NUBPL: variants seen among roughly 807,000 people sequenced by gnomAD.
NUBPL encodes the protein iron-sulfur cluster transfer protein NUBPL.
NUBPL carries 31 observed loss-of-function variants against 45.7 expected under a neutral mutation model. The ratio of observed to expected loss-of-function variants is 0.68; its 90% CI spans 0.51 to 0.92. The LOEUF (loss-of-function observed/expected upper bound fraction) is 0.92, where lower values mean the gene tolerates loss of function less well. Among genes scored for constraint, NUBPL ranks in the 40% least tolerant of loss-of-function variants. NUBPL has a pLI of 0.00. For synonymous variants in NUBPL, 144 were observed against 140.9 expected, an observed-to-expected ratio of 1.02 and a Z score of -0.15; for missense variants, 401 against 398.7, an observed-to-expected ratio of 1.01 and a Z score of -0.05.
intron 3 of NUBPL, 35 bp downstream of exon 3, chr14:31,565,083 A>T: frequency 7.8e-7 from 1 of 1,287,832 alleles, no homozygotes; most frequent in Non-Finnish European, 1.1e-6. Flanking sequence ...TAATTTATTA[A>T]AATGTTTTTA....
intron 4 of NUBPL, among the ~76,000 whole-genome samples, chr14:31,647,888 G>A (rs868722319): frequency 4.6e-5 from 7 of 152,180 alleles, no homozygotes; most frequent in Admixed American, 2.6e-4. Context: ...GCCTTACCAC[G>A]ATATCTGGTC....
rs548302340 is a variant in NUBPL, at chr14:31,797,986, A to C, written c.607+10113A>C. Among the ~76,000 whole-genome samples, 12 of 145,456 alleles carry C rather than the reference A, an allele frequency of 8.2e-5. 1 individual carries two copies. Among genetic ancestry groups the C allele is most frequent in the African/African-American group, 1.8e-4 (7 of 38,164 alleles). The stretch of plus-strand genomic sequence containing the variant: ...CTATAAAGTATTTTATTTCTCCTTC[A>C]CTTATGAAGCTTAGTTTGGCTGGAT... On this transcript the variant is annotated intron_variant, in intron 7 of 10. Coordinates refer to ENST00000281081, the MANE Select transcript of NUBPL (RefSeq NM_025152.3).
intron 6 of NUBPL, among the ~76,000 whole-genome samples, chr14:31,782,975 T>A (rs780597331): frequency 6.6e-6 from 1 of 152,240 alleles, no homozygotes; most frequent in Non-Finnish European, 1.5e-5. Flanking sequence ...GACCTAATTT[T>A]GGTCCTTTCA....
intron 6 of NUBPL, among the ~76,000 whole-genome samples, chr14:31,762,571 A>G (rs1355258782): frequency 6.6e-6 from 1 of 152,224 alleles, no homozygotes; most frequent in Non-Finnish European, 1.5e-5. Context: ...TAGATGACAT[A>G]TTAAATGATT....
intron 6 of NUBPL, among the ~76,000 whole-genome samples, chr14:31,757,850 C>T (rs1057311866): frequency 1.3e-5 from 2 of 152,046 alleles, no homozygotes; most frequent in South Asian, 2.1e-4. Flanking sequence ...CTCTACTTAC[C>T]TCATCTCTAC....
chr14:31,686,264 AG>A (rs1349663320), intron 6 of NUBPL, among the ~76,000 whole-genome samples: 1 of 152,238 alleles, frequency 6.6e-6, no homozygotes, highest in Non-Finnish European at 1.5e-5. Flanking sequence ...AAAAATATCC[AG>A]GGAATTAATG....
chr14:31,572,777 G>A lies in NUBPL; in HGVS notation c.291+7729G>A, dbSNP rs2033622413. On this transcript the variant is annotated intron_variant, in intron 3 of 10. Coordinates refer to ENST00000281081, the MANE Select transcript of NUBPL (RefSeq NM_025152.3). ...TTCATTTTTGTATGAACTGCGTAGA[G>A]TGTACTTAAACAAAGCTAGATAGTA... Among the ~76,000 whole-genome samples, 3 of 152,086 alleles carry A rather than the reference G, an allele frequency of 2.0e-5. No individual in the cohort carries two copies. In the South Asian group the frequency reaches 6.2e-4, roughly 32 times the overall value.
intron 6 of NUBPL, among the ~76,000 whole-genome samples, chr14:31,758,143 G>A (rs760286070): frequency 3.9e-5 from 6 of 152,020 alleles, no homozygotes; most frequent in Non-Finnish European, 7.4e-5. Context: ...CCATCCATTA[G>A]AGTGTAAGTT....
At chr14:31,857,434 T>C (rs2040642282) in intron 10 of NUBPL, among the ~76,000 whole-genome samples, 1 of 152,192 alleles carries the variant, frequency 6.6e-6, no homozygotes, top group Admixed American at 6.5e-5. Flanking sequence ...GGATTAACAT[T>C]CGGCTCCTAG....
chr14:31,781,223 C>T (rs1482818695), intron 6 of NUBPL, among the ~76,000 whole-genome samples: 1 of 152,204 alleles, frequency 6.6e-6, no homozygotes, highest in Non-Finnish European at 1.5e-5. Flanking sequence ...AAAAGCAATA[C>T]AGAAAGTTAC....
intron 4 of NUBPL, among the ~76,000 whole-genome samples, chr14:31,604,346 G>C (rs1333923929): frequency 6.6e-6 from 1 of 151,992 alleles, no homozygotes; most frequent in Admixed American, 6.5e-5. Context: ...CTACTAATTG[G>C]TATCATTCTG....
intron 6 of NUBPL, among the ~76,000 whole-genome samples, chr14:31,767,179 C>T (rs2038929273): frequency 6.6e-6 from 1 of 152,060 alleles, no homozygotes; most frequent in Admixed American, 6.6e-5. Flanking sequence ...GGACAAACAG[C>T]TGCTATTTCT....
At chr14:31,658,128 A>G (rs981188111) in intron 4 of NUBPL, among the ~76,000 whole-genome samples, 3 of 152,234 alleles carry the variant, frequency 2.0e-5, no homozygotes, top group Non-Finnish European at 4.4e-5. Context: ...TTGTCTGGGC[A>G]TCTTCAAGCA....
chr14:31,835,795 T>C (rs540021990), intron 8 of NUBPL, among the ~76,000 whole-genome samples: 1 of 152,272 alleles, frequency 6.6e-6, no homozygotes, highest in South Asian at 2.1e-4. Context: ...ATGCACATGC[T>C]TCAAGGAGTA....
chr14:31,659,062 C>T (rs2036208559), intron 4 of NUBPL, among the ~76,000 whole-genome samples: 1 of 152,162 alleles, frequency 6.6e-6, no homozygotes, highest in Admixed American at 6.5e-5. Context: ...AAAGGGATTA[C>T]ATAAGCTGAG....
intron 6 of NUBPL, among the ~76,000 whole-genome samples, chr14:31,710,520 C>G (rs1338769026): frequency 6.6e-6 from 1 of 152,062 alleles, no homozygotes. Flanking sequence ...AACCTGCACC[C>G]TTTCCTGTCC....
At chr14:31,759,953 G>A (rs562164945) in intron 6 of NUBPL, among the ~76,000 whole-genome samples, 2 of 151,316 alleles carry the variant, frequency 1.3e-5, no homozygotes, top group Admixed American at 6.6e-5. Flanking sequence ...TGTATTGAAT[G>A]CATTTTGACT....
intron 6 of NUBPL, among the ~76,000 whole-genome samples, chr14:31,688,931 C>T (rs1016451225): frequency 4.6e-5 from 7 of 151,812 alleles, no homozygotes; most frequent in South Asian, 2.1e-4. Context: ...TTTTCTGTTC[C>T]GGCATTAGGT....
intron 6 of NUBPL, among the ~76,000 whole-genome samples, chr14:31,699,616 T>C (rs1244296519): frequency 1.3e-5 from 2 of 152,208 alleles, no homozygotes; most frequent in Admixed American, 6.5e-5. Context: ...GAAAACACTC[T>C]TTTTAATGTC....
Sources: gnomAD v4.1 joint callset for allele counts (sites outside exome capture counted in the v4.1 genomes callset) on GRCh38, gnomAD v4.1.1 for gene constraint, MANE v1.5 for transcripts, NCBI Gene and HGNC (gene_info 2026-07-23, HGNC 2026-07-21) for gene names.